Variants in NRIP1 observed in about 807,000 individuals in gnomAD.
The protein encoded by NRIP1 is nuclear receptor interacting protein 1, also known as nuclear receptor-interacting protein 1.
A neutral mutation model predicts 75.0 loss-of-function variants in NRIP1; 28 were observed. That is an observed-to-expected ratio of 0.37 (90% CI 0.28 to 0.51). The LOEUF (loss-of-function observed/expected upper bound fraction) is 0.51. NRIP1 is among the 20% of genes least tolerant of loss of function. NRIP1 has a pLI of 0.92. For synonymous variants in NRIP1, 526 were observed against 487.6 expected (o/e 1.08, Z -1.04); for missense variants, 1,435 against 1,343.7 (o/e 1.07, Z -1.06).
intron 1 of NRIP1, among the ~76,000 whole-genome samples, chr21:15,044,277 T>C (rs574505903): frequency 6.6e-6 from 1 of 151,428 alleles, no homozygotes; most frequent in South Asian, 2.1e-4. Context: ...ACACCTCATT[T>C]CTTTTCTGTA....
chr21:15,049,017 T>C (rs2089148283), intron 1 of NRIP1, among the ~76,000 whole-genome samples: 1 of 152,166 alleles, frequency 6.6e-6, no homozygotes, highest in Admixed American at 6.5e-5. Flanking sequence ...CACTAAAATA[T>C]ATATTTGAAT....
rs1026626116 is a variant in NRIP1 at position 14,976,670 on chromosome 21, C to T, written c.-334-8144G>A. Among the ~76,000 whole-genome samples, 3 of 152,078 alleles carry T rather than the reference C, an allele frequency of 2.0e-5. 1 individual carries two copies. Among genetic ancestry groups the T allele is most frequent in the Admixed American group, 2.0e-4 (3 of 15,266 alleles). On this transcript the variant is annotated intron_variant, in intron 3 of 3. Coordinates refer to ENST00000318948, the MANE Select transcript of NRIP1 (RefSeq NM_003489.4). ...GGAAACTTTGTGGAACTTCTACACA[C>T]TTTAAAATGATAAAATCCAAGTGAT...
In NRIP1 at chr21:14,984,988, G is replaced by C. The variant is rs557904348; in HGVS notation, c.-334-16462C>G. ...ATAGTGTAAACGTAACTTTTATATG[G>C]ACTGAAAAACCAAAAAATGTGCTTG... On this transcript the variant is annotated intron_variant, in intron 3 of 3. Transcript: ENST00000318948. 1.5e-4 allele frequency among the ~76,000 whole-genome samples: 23 copies of C among 152,256 alleles called. No individual in the cohort carries two copies. In the East Asian group the frequency reaches 4.2e-3, roughly 28 times the overall value.
chr21:15,015,283 A>G (rs1452275957), intron 2 of NRIP1, among the ~76,000 whole-genome samples: 1 of 152,206 alleles, frequency 6.6e-6, no homozygotes, highest in East Asian at 1.9e-4. Flanking sequence ...TGCCCAAGGG[A>G]GGGATTACAA....
intron 1 of NRIP1, among the ~76,000 whole-genome samples, chr21:15,053,531 T>C (rs1296296897): frequency 3.9e-5 from 6 of 152,070 alleles, no homozygotes; most frequent in Non-Finnish European, 8.8e-5. Context: ...AATCCAACAG[T>C]GGGAAATTCA....
chr21:15,021,793 C>T (rs1281268739), intron 2 of NRIP1, among the ~76,000 whole-genome samples: 1 of 152,010 alleles, frequency 6.6e-6, no homozygotes, highest in Admixed American at 6.6e-5. Flanking sequence ...GATATAAAAG[C>T]TCAACATCAC....
rs371003419 is a variant in NRIP1 at position 14,964,789 on chromosome 21, C to T, written c.3404G>A (p.Arg1135His). 6.2e-6 allele frequency: 10 copies of T among 1,607,764 alleles called. No individual in the cohort carries two copies. Among genetic ancestry groups the T allele is most frequent in the Middle Eastern group, 1.7e-4 (1 of 6,028 alleles). ...AACTTCTCCATTTGCGCTGTGTGGG[C>T]GAGAAGCATTATTTCCCATATGGCT... is the stretch of plus-strand genomic sequence containing the variant. ...YNSHMGNNAS[R>H]PHSANGEVYG... Residue 1135 changes from arginine (R) to histidine (H), a missense_variant, in exon 4 of 4, where the codon CGC becomes CAC. By Grantham distance (29) the Arg-to-His change is conservative. Transcript: ENST00000318948.
At chr21:15,051,654 CAAGA>C (rs2089203969) in intron 1 of NRIP1, 1 of 152,262 alleles carries the variant, frequency 6.6e-6, no homozygotes, top group African/African-American at 2.4e-5. Context: ...ATGAGCCAAC[CAAGA>C]AAGTATAATA....
chr21:15,058,710 TCTTA>T (rs1346672180), intron 1 of NRIP1, among the ~76,000 whole-genome samples: 1 of 152,176 alleles, frequency 6.6e-6, no homozygotes, highest in Non-Finnish European at 1.5e-5. Flanking sequence ...CGATTCCCCA[TCTTA>T]CTAATGAAAT....
At chr21:15,050,297 C>A in intron 1 of NRIP1, 1 of 177,402 alleles carries the variant, frequency 5.6e-6, no homozygotes, top group East Asian at 1.7e-4. Flanking sequence ...ACTCAAACCT[C>A]AGGAAGAATA....
intron 1 of NRIP1, chr21:15,051,090 G>A (rs763110932): frequency 4.7e-5 from 17 of 364,418 alleles, no homozygotes; most frequent in South Asian, 3.1e-4. Context: ...GCTGCAGCCC[G>A]GTCTCTCTTC....
intron 1 of NRIP1, among the ~76,000 whole-genome samples, chr21:15,049,147 C>G (rs538203707): frequency 2.0e-5 from 3 of 152,198 alleles, no homozygotes; most frequent in African/African-American, 7.2e-5. Context: ...TTCCCATTGT[C>G]TTATAAAATT....
At position 14,962,162 on chromosome 21, in the gene NRIP1, G is replaced by A. The variant is rs1243552724; in HGVS notation, c.*2554C>T. ...TACCCTTTCACAAATGACTTTATTAGAAGAAATTGTCTAGATATCTAAAAT... is the reference window on the plus strand; with the variant it reads ...TACCCTTTCACAAATGACTTTATTAAAAGAAATTGTCTAGATATCTAAAAT... On this transcript the variant is annotated 3_prime_UTR_variant, in exon 4 of 4. Coordinates refer to ENST00000318948, the MANE Select transcript of NRIP1 (RefSeq NM_003489.4). The A allele has an allele frequency of 6.6e-6, 1 of 151,178 alleles. No homozygotes were observed. The highest frequency in any genetic ancestry group is 1.5e-5 in the Non-Finnish European group (1 of 67,708). 9.4% of individuals were successfully genotyped at this position (151,178 alleles called of 1,614,324 possible). A position where few individuals can be genotyped will look rare whatever the true frequency, so the allele number is the denominator to read the frequency against.
chr21:14,978,558 A>C (rs2087142337), intron 3 of NRIP1, among the ~76,000 whole-genome samples: 1 of 152,198 alleles, frequency 6.6e-6, no homozygotes, highest in Non-Finnish European at 1.5e-5. Flanking sequence ...TATATACTGA[A>C]TAAAATGGAG....
At chr21:14,986,423 T>A (rs1359011641) in intron 3 of NRIP1, among the ~76,000 whole-genome samples, 1 of 152,228 alleles carries the variant, frequency 6.6e-6, no homozygotes, top group African/African-American at 2.4e-5. Context: ...CATATTAGCA[T>A]GTTACCATTA....
At chr21:14,986,591 G>A (rs577622330) in intron 3 of NRIP1, among the ~76,000 whole-genome samples, 1 of 152,286 alleles carries the variant, frequency 6.6e-6, no homozygotes, top group South Asian at 2.1e-4. Flanking sequence ...TCACTTTGCT[G>A]TGAATGGGTA....
intron 3 of NRIP1, among the ~76,000 whole-genome samples, chr21:14,983,081 C>T (rs2147026829): frequency 6.6e-6 from 1 of 152,114 alleles, no homozygotes; most frequent in African/African-American, 2.4e-5. Context: ...CTACAATGGC[C>T]TCTGTGTGTT....
In NRIP1 at chr21:14,965,084, T is replaced by G; in HGVS notation, c.3109A>C (p.Ser1037Arg). 6.2e-7 allele frequency: 1 copy of G among 1,613,720 alleles called. No individual in the cohort carries two copies. The highest frequency in any genetic ancestry group is 8.5e-7 in the Non-Finnish European group (1 of 1,179,932). ...SGLLNGCSMP[S>R]EKGPIKWVIT... ...ACCCACTTAATGGGTCCTTTCTCAC[T>G]GGGCATGGAACACCCATTCAAAAGC... is the stretch of plus-strand genomic sequence containing the variant. The change falls in exon 4 of 4, where the codon AGT (serine) becomes CGT (arginine). Residue 1037 changes from serine (S) to arginine (R), a missense_variant. Transcript: ENST00000318948.
At chr21:15,047,895 C>G (rs1228356900) in intron 1 of NRIP1, among the ~76,000 whole-genome samples, 1 of 152,204 alleles carries the variant, frequency 6.6e-6, no homozygotes, top group African/African-American at 2.4e-5. Flanking sequence ...TGAGCTTAAC[C>G]TTTTCTAGCT....
Sources: allele counts gnomAD v4.1 joint callset (sites outside exome capture counted in the v4.1 genomes callset), GRCh38; gene constraint gnomAD v4.1.1; transcripts MANE v1.5; gene names NCBI Gene and HGNC (gene_info 2026-07-23, HGNC 2026-07-21).